The following LRFN3 variants were observed in gnomAD, a reference collection of about 807,000 sequenced individuals.
LRFN3 encodes the protein leucine-rich repeat and fibronectin type-III domain-containing protein 3.
A neutral mutation model predicts 23.8 loss-of-function variants in LRFN3; 8 were observed. The observed-to-expected ratio is 0.34, with a 90% CI of 0.20 to 0.61. LRFN3 has a LOEUF of 0.61. Ranked by LOEUF, LRFN3 falls within the 20% of genes least tolerant of loss-of-function variation. The pLI is 0.80. For missense variants in LRFN3, 736 were observed against 935.3 expected (o/e 0.79, Z 2.78); for synonymous variants, 451 against 450.6 (o/e 1.00, Z -0.01).
rs550765622 is a variant in LRFN3, at chr19:35,945,451, A to G, written c.*432A>G. On this transcript the variant is annotated 3_prime_UTR_variant, in exon 3 of 3. Transcript: ENST00000246529. ...CCGCAGGGGCCTAAAGTCAAATGGG[A>G]GACAGACACATCCCCAGACAGTGAT... 5.0e-5 allele frequency: 8 copies of G among 160,760 alleles called. No homozygotes were observed. Among genetic ancestry groups the G allele is most frequent in the Non-Finnish European group, 9.4e-5 (7 of 74,182 alleles). The allele number at this position is 160,760 out of a possible 1,614,324, so 10.0% of individuals were successfully genotyped here.
At chr19:35,942,140 C>G (rs1424083670) in intron 2 of LRFN3, among the ~76,000 whole-genome samples, 14 of 152,202 alleles carry the variant, frequency 9.2e-5, no homozygotes, top group Admixed American at 9.2e-4. Flanking sequence ...CCTCGGCCTC[C>G]CAAAGTGCTA....
intron 2 of LRFN3, among the ~76,000 whole-genome samples, chr19:35,942,229 G>A (rs1976130361): frequency 6.6e-6 from 1 of 152,262 alleles, no homozygotes; most frequent in Non-Finnish European, 1.5e-5. Flanking sequence ...AGTTCCTTTT[G>A]CCAGGTAAAC....
Position 35,944,428 on chromosome 19 carries a change from G to A in LRFN3, c.1416-120G>A. ...ATGTTGGTGAGAGGGAGCTCATTGG[G>A]TAGAATGAAATGAAGGAGTGGACTG... On this transcript the variant is annotated intron_variant, in intron 2 of 2. Coordinates refer to ENST00000246529, the MANE Select transcript of LRFN3 (RefSeq NM_024509.2). This position sits in a 1 kb window ranked among gnomAD's most constrained non-coding sequence, Gnocchi z 4.5. 3.2e-6 allele frequency: 2 copies of A among 618,054 alleles called. No individual in the cohort carries two copies. Among genetic ancestry groups the A allele is most frequent in the Non-Finnish European group, 2.5e-6 (1 of 393,202 alleles). 38.3% of individuals were successfully genotyped at this position (618,054 alleles called of 1,614,324 possible).
In LRFN3 at chr19:35,944,614, G is replaced by C. The variant is rs772572108; in HGVS notation, c.1482G>C (p.Leu494=). The C allele has an allele frequency of 2.0e-5, 31 of 1,549,030 alleles. No homozygotes were observed. Among genetic ancestry groups the C allele is most frequent in the Admixed American group, 1.7e-4 (9 of 52,170 alleles). The change falls in exon 3 of 3, where the codon CTG becomes CTC. Residue 494 remains leucine, a synonymous_variant. Coordinates refer to ENST00000246529, the MANE Select transcript of LRFN3 (RefSeq NM_024509.2). This position sits in a 1 kb window ranked among gnomAD's most constrained non-coding sequence, Gnocchi z 4.5. ...TGGCGTCAGGCCGGACCTACGATCT[G>C]TGCGTGCTCGCCGTGTATGAGGACA... The part of the protein sequence containing the change: ...TDLASGRTYD[L]CVLAVYEDSA...
rs1976150408 is a variant in LRFN3, at chr19:35,944,115, A to G, written c.1416-433A>G. Among the ~76,000 whole-genome samples, 1 of 152,316 alleles carries G rather than the reference A, an allele frequency of 6.6e-6. No homozygotes were observed. The highest frequency in any genetic ancestry group is 6.5e-5 in the Admixed American group (1 of 15,300). ...TGAGGCCGGAGGATGGCTTGAGTCC[A>G]GGAGTCAGAGGCTGCAGTGAGCTGT... On this transcript the variant is annotated intron_variant, in intron 2 of 2. Coordinates refer to ENST00000246529, the MANE Select transcript of LRFN3 (RefSeq NM_024509.2). This position sits in a 1 kb window ranked among gnomAD's most constrained non-coding sequence, Gnocchi z 4.5.
Position 35,939,957 on chromosome 19 carries a change from C to T in LRFN3, c.532C>T (p.Arg178Cys), listed in dbSNP as rs1568514036. The T allele has an allele frequency of 6.2e-7, 1 of 1,608,754 alleles. No homozygotes were observed. Among genetic ancestry groups the T allele is most frequent in the Non-Finnish European group, 8.5e-7 (1 of 1,179,846 alleles). The change falls in exon 2 of 3, where the codon CGC becomes TGC. Residue 178 changes from arginine to cysteine, a missense_variant. Transcript: ENST00000246529. The surrounding 1 kb of genome is among the most constrained non-coding windows in gnomAD (Gnocchi z 6.4). ...GCAGCTGCCCTGGGAGGCCCTGGGC[C>T]GCCTGGGCAACGTCAACACGTTGGG... ...LEQLPWEALG[R>C]LGNVNTLGLD...
chr19:35,939,750 C>CT lies in LRFN3; in HGVS notation c.326dup (p.Arg110AlafsTer44). 1 of 1,604,548 alleles carries CT rather than the reference C, an allele frequency of 6.2e-7. No homozygotes were observed. Among genetic ancestry groups the CT allele is most frequent in the Non-Finnish European group, 8.5e-7 (1 of 1,179,140 alleles). ...CGGCGCCTTCGCCGACCTGCGGGCC[C>CT]TGCGTGCCCTGCACCTGGATGGCAA... On this transcript the variant is annotated frameshift_variant, in exon 2 of 3. Transcript: ENST00000246529. LOFTEE classifies it high-confidence loss of function. This position sits in a 1 kb window ranked among gnomAD's most constrained non-coding sequence, Gnocchi z 6.4.
rs533510265 is a variant in LRFN3, at chr19:35,946,216, G to A, written c.*1197G>A. Among the ~76,000 whole-genome samples, 279 of 152,212 alleles carry A rather than the reference G, an allele frequency of 1.8e-3. No individual in the cohort carries two copies. The highest frequency in any genetic ancestry group is 3.2e-3 in the Non-Finnish European group (217 of 68,004). ...CAGGAGGGTGCAGGACCCCTGGTCT[G>A]AGGCTGAAGCTGGAAATAGAAATGA... On this transcript the variant is annotated 3_prime_UTR_variant, in exon 3 of 3. Transcript: ENST00000246529.
chr19:35,941,075 C>A (rs1365762737), intron 2 of LRFN3, among the ~76,000 whole-genome samples: 1 of 151,940 alleles, frequency 6.6e-6, no homozygotes, highest in Admixed American at 6.6e-5. Context: ...ACAAGAAGGA[C>A]GAAGTAAATG....
Position 35,944,863 on chromosome 19 carries a change from G to A in LRFN3, c.1731G>A (p.Ala577=), listed in dbSNP as rs987136594. 3.1e-6 allele frequency: 5 copies of A among 1,600,598 alleles called. No homozygotes were observed. Among genetic ancestry groups the A allele is most frequent in the East Asian group, 2.2e-5 (1 of 44,780 alleles). ...CCCCCGGCAAGGCCAAGATTCCCGC[G>A]CCTGTTAGCAGCGTTTGCTCCCAGA... The part of the protein sequence containing the change: ...GQPPGKAKIP[A]PVSSVCSQTN... The change falls in exon 3 of 3, where the codon GCG becomes GCA. Residue 577 remains alanine, a synonymous_variant. Coordinates refer to ENST00000246529, the MANE Select transcript of LRFN3 (RefSeq NM_024509.2). The surrounding 1 kb of genome is among the most constrained non-coding windows in gnomAD (Gnocchi z 4.5).
chr19:35,944,725 C>T lies in LRFN3; in HGVS notation c.1593C>T (p.His531=), dbSNP rs140841436. ...CGCTGCGGCCATGCGGGGCGCCGCA[C>T]GCTCCCTTCCTGGGCGGCACGATGA... ...EPALRPCGAP[H]APFLGGTMII... Residue 531 remains histidine (H), a synonymous_variant, in exon 3 of 3, where the codon CAC becomes CAT. Coordinates refer to ENST00000246529, the MANE Select transcript of LRFN3 (RefSeq NM_024509.2). This position sits in a 1 kb window ranked among gnomAD's most constrained non-coding sequence, Gnocchi z 4.5. 109 of 1,605,850 alleles carry T rather than the reference C, an allele frequency of 6.8e-5. No homozygotes were observed. In the Middle Eastern group the frequency reaches 1.8e-3, roughly 27 times the overall value.
chr19:35,939,376 T>A lies in LRFN3; in HGVS notation c.-16-34T>A, dbSNP rs770397317. On this transcript the variant is annotated intron_variant, in intron 1 of 2. Coordinates refer to ENST00000246529, the MANE Select transcript of LRFN3 (RefSeq NM_024509.2). This position sits in a 1 kb window ranked among gnomAD's most constrained non-coding sequence, Gnocchi z 6.4. Reference sequence around the variant, plus strand: ...CCACCCCCAGCCCCTGCAGAACCCCTCTTCTGCCCTCACGCCTCCCCTCTT... The same window carrying A: ...CCACCCCCAGCCCCTGCAGAACCCCACTTCTGCCCTCACGCCTCCCCTCTT... 6.5e-7 allele frequency: 1 copy of A among 1,528,012 alleles called. No individual in the cohort carries two copies. The highest frequency in any genetic ancestry group is 8.8e-7 in the Non-Finnish European group (1 of 1,139,404). 94.7% of individuals were successfully genotyped at this position (1,528,012 alleles called of 1,614,324 possible).
At chr19:35,937,824 C>T (rs752865317) in intron 1 of LRFN3, among the ~76,000 whole-genome samples, 3 of 152,154 alleles carry the variant, frequency 2.0e-5, no homozygotes, top group Non-Finnish European at 2.9e-5. Flanking sequence ...CTATCCGGTC[C>T]GACCGTCTCC....
intron 2 of LRFN3, among the ~76,000 whole-genome samples, chr19:35,942,134 G>A (rs140640234): frequency 0.018 from 2,764 of 151,460 alleles, 37 homozygotes; most frequent in Non-Finnish European, 0.031. Context: ...CACCCGCCTC[G>A]GCCTCCCAAA....
rs555620207 is a variant in LRFN3, at chr19:35,940,016, C to T, written c.591C>T (p.Ala197=). The T allele has an allele frequency of 2.0e-5, 32 of 1,612,296 alleles. No homozygotes were observed. Among genetic ancestry groups the T allele is most frequent in the South Asian group, 4.4e-5 (4 of 91,082 alleles). ...ACAACCTGCTGGCTTCTGTGCCCGCCGGCGCTTTTTCCCGCCTGCACAAGC... is the reference window on the plus strand; with the variant it reads ...ACAACCTGCTGGCTTCTGTGCCCGCTGGCGCTTTTTCCCGCCTGCACAAGC... ...LDHNLLASVP[A]GAFSRLHKLA... Residue 197 remains alanine (A), a synonymous_variant, in exon 2 of 3, where the codon GCC becomes GCT. Coordinates refer to ENST00000246529, the MANE Select transcript of LRFN3 (RefSeq NM_024509.2).
At position 35,939,359 on chromosome 19, in the gene LRFN3, A is replaced by T; in HGVS notation, c.-16-51A>T. 1.3e-6 allele frequency: 2 copies of T among 1,512,842 alleles called. No homozygotes were observed. Among genetic ancestry groups the T allele is most frequent in the Non-Finnish European group, 1.8e-6 (2 of 1,129,736 alleles). The allele number at this position is 1,512,842 out of a possible 1,614,324, so 93.7% of individuals were successfully genotyped here. On this transcript the variant is annotated intron_variant, in intron 1 of 2. Coordinates refer to ENST00000246529, the MANE Select transcript of LRFN3 (RefSeq NM_024509.2). This position sits in a 1 kb window ranked among gnomAD's most constrained non-coding sequence, Gnocchi z 6.4. Reference sequence around the variant, plus strand: ...TCTCTCCTGGTCTCAGACCACCCCCAGCCCCTGCAGAACCCCTCTTCTGCC... The same window carrying T: ...TCTCTCCTGGTCTCAGACCACCCCCTGCCCCTGCAGAACCCCTCTTCTGCC...
rs777168271 is a variant in LRFN3, at chr19:35,945,984, G to C, written c.*965G>C. ...CAGCTGGGCTAGGGAACAAGAAAAGGGAGTGGGTTGACAGAGACACTCGGG... is the reference window on the plus strand; with the variant it reads ...CAGCTGGGCTAGGGAACAAGAAAAGCGAGTGGGTTGACAGAGACACTCGGG... On this transcript the variant is annotated 3_prime_UTR_variant, in exon 3 of 3. Coordinates refer to ENST00000246529, the MANE Select transcript of LRFN3 (RefSeq NM_024509.2). Among the ~76,000 whole-genome samples, 6 of 152,066 alleles carry C rather than the reference G, an allele frequency of 3.9e-5. No individual in the cohort carries two copies. The highest frequency in any genetic ancestry group is 6.6e-5 in the Admixed American group (1 of 15,256).
chr19:35,942,960 C>T (rs1488256395), intron 2 of LRFN3, among the ~76,000 whole-genome samples: 3 of 150,220 alleles, frequency 2.0e-5, no homozygotes, highest in African/African-American at 4.9e-5. Context: ...ACCTGGGAGG[C>T]GGAGGTTGCA....
At chr19:35,940,877 G>A in intron 2 of LRFN3, 37 bp downstream of exon 2, 1 of 1,492,080 alleles carries the variant, frequency 6.7e-7, no homozygotes, top group Non-Finnish European at 9.0e-7. Flanking sequence ...TTGGGTGGGG[G>A]AGTGAGGCAA....
Sources: gnomAD v4.1 joint callset for allele counts (sites outside exome capture counted in the v4.1 genomes callset) on GRCh38, gnomAD v4.1.1 for gene constraint, Gnocchi (gnomAD v3.1) non-coding constraint, MANE v1.5 for transcripts, NCBI Gene and HGNC (gene_info 2026-07-23, HGNC 2026-07-21) for gene names.